CSMD3: variants seen among roughly 807,000 people sequenced by gnomAD.
CSMD3 encodes CUB and sushi domain-containing protein 3.
CSMD3 carries 177 observed loss-of-function variants against 435.2 expected under a neutral mutation model. The ratio of observed to expected loss-of-function variants is 0.41; its 90% CI spans 0.36 to 0.46. The LOEUF is 0.46. Among genes scored for constraint, CSMD3 ranks in the 20% least tolerant of loss-of-function variants. CSMD3 has a pLI of 0.34. For synonymous variants in CSMD3, 1,656 were observed against 1,520.5 expected (o/e 1.09, Z -2.07); for missense variants, 4,265 against 4,504.6 (o/e 0.95, Z 1.52).
At chr8:112,330,487 A>G (rs1212786354) in intron 45 of CSMD3, among the ~76,000 whole-genome samples, 1 of 152,118 alleles carries the variant, frequency 6.6e-6, no homozygotes, top group African/African-American at 2.4e-5. Context: ...ATTAGTAAAT[A>G]CATATTTTGG....
intron 3 of CSMD3, among the ~76,000 whole-genome samples, chr8:113,270,892 T>C (rs1472875764): frequency 4.6e-5 from 7 of 151,824 alleles, no homozygotes; most frequent in Admixed American, 4.6e-4. Flanking sequence ...AGTTAATGGA[T>C]TGCAGCACAC....
At chr8:113,380,891 A>C (rs1024383271) in intron 1 of CSMD3, among the ~76,000 whole-genome samples, 7 of 152,098 alleles carry the variant, frequency 4.6e-5, no homozygotes, top group Non-Finnish European at 1.0e-4. Context: ...CTGAAGGAAA[A>C]CAAATAAACC....
chr8:113,229,163 A>T (rs1376300621), intron 3 of CSMD3, among the ~76,000 whole-genome samples: 4 of 151,658 alleles, frequency 2.6e-5, no homozygotes, highest in African/African-American at 9.7e-5. Flanking sequence ...TGTATGTGAA[A>T]TTATATTGGG....
intron 3 of CSMD3, among the ~76,000 whole-genome samples, chr8:113,247,422 T>C (rs1450615156): frequency 1.3e-5 from 2 of 152,148 alleles, no homozygotes; most frequent in Admixed American, 6.6e-5. Flanking sequence ...GTTGTGCACC[T>C]AATAGTTTTC....
intron 22 of CSMD3, among the ~76,000 whole-genome samples, chr8:112,597,708 T>G (rs1212944277): frequency 7.3e-6 from 1 of 136,494 alleles, no homozygotes; most frequent in African/African-American, 2.9e-5. Context: ...CAAGGCTGGT[T>G]CAATATACGC....
intron 61 of CSMD3, among the ~76,000 whole-genome samples, chr8:112,256,685 A>C (rs187615516): frequency 1.1e-4 from 16 of 152,358 alleles, no homozygotes; most frequent in African/African-American, 3.8e-4. Context: ...AAAATACATA[A>C]CATATAATTT....
intron 5 of CSMD3, among the ~76,000 whole-genome samples, chr8:113,050,018 G>A (rs9297487): frequency 0.46 from 69,747 of 151,846 alleles, 17,983 homozygotes; most frequent in East Asian, 0.87. Context: ...TAAGCAAGTA[G>A]GTACAATCAG....
Position 112,466,396 on chromosome 8 carries a change from C to T in CSMD3, c.5395+6195G>A, listed in dbSNP as rs1276041446. The stretch of plus-strand genomic sequence containing the variant: ...GGTAACCACAACATAGACTGTGTTG[C>T]TGAATTGTTAAAAAAAACTCACAGA... On this transcript the variant is annotated intron_variant, in intron 32 of 70. Coordinates refer to ENST00000297405, the MANE Select transcript of CSMD3 (RefSeq NM_198123.2). Among the ~76,000 whole-genome samples the T allele has an allele frequency of 2.0e-5, 3 of 151,990 alleles. No homozygotes were observed. The East Asian group carries it at 5.8e-4, about 29-fold the overall frequency.
chr8:112,715,321 TA>T (rs1464760190), intron 13 of CSMD3, among the ~76,000 whole-genome samples: 2 of 152,052 alleles, frequency 1.3e-5, no homozygotes, highest in African/African-American at 2.4e-5. Context: ...CTAGAAAATC[TA>T]AAAGATATTG....
At chr8:113,087,300 T>A (rs1588046590) in intron 5 of CSMD3, among the ~76,000 whole-genome samples, 1 of 151,910 alleles carries the variant, frequency 6.6e-6, no homozygotes, top group South Asian at 2.1e-4. Context: ...ATTTACAGAT[T>A]CAATGCCATC....
chr8:113,277,632 T>C (rs563400413), intron 3 of CSMD3, among the ~76,000 whole-genome samples: 2 of 151,986 alleles, frequency 1.3e-5, no homozygotes, highest in Non-Finnish European at 1.5e-5. Flanking sequence ...TTGCCCTTGC[T>C]ACGGTATTTA....
chr8:112,913,911 T>C (rs1463397603), intron 10 of CSMD3, among the ~76,000 whole-genome samples: 1 of 151,996 alleles, frequency 6.6e-6, no homozygotes, highest in South Asian at 2.1e-4. Context: ...TATTCATTTT[T>C]CTGCAGTAGC....
intron 27 of CSMD3, among the ~76,000 whole-genome samples, chr8:112,525,415 TC>T: frequency 6.7e-6 from 1 of 150,242 alleles, no homozygotes; most frequent in Non-Finnish European, 1.5e-5. Context: ...AGAAGTTTAA[TC>T]CAATTAAAAA....
rs111931715 is a variant in CSMD3 at position 113,251,005 on chromosome 8, GA to G, written c.514+27586del. Among the ~76,000 whole-genome samples, 567 of 150,242 alleles carry G rather than the reference GA, an allele frequency of 3.8e-3. 3 individuals are homozygous for G. The highest frequency in any genetic ancestry group is 0.017 in the Middle Eastern group (5 of 292). On this transcript the variant is annotated intron_variant, in intron 3 of 70. Transcript: ENST00000297405. ...ACTAGGTAGAAATTAAGCTAAAAAGGAAAAAAAAAGTTTAAAAATGAGTACA... is the reference window on the plus strand; with the variant it reads ...ACTAGGTAGAAATTAAGCTAAAAAGGAAAAAAAAGTTTAAAAATGAGTACA...
chr8:112,752,294 G>C (rs2077588129), intron 13 of CSMD3, among the ~76,000 whole-genome samples: 1 of 152,000 alleles, frequency 6.6e-6, no homozygotes, highest in Non-Finnish European at 1.5e-5. Context: ...CCCAATTTCA[G>C]CCCTTGGTCC....
At chr8:113,219,054 C>G (rs1161435028) in intron 3 of CSMD3, among the ~76,000 whole-genome samples, 2 of 151,282 alleles carry the variant, frequency 1.3e-5, no homozygotes, top group African/African-American at 2.4e-5. Flanking sequence ...CTTGGAAAAA[C>G]AGGAATGGAT....
chr8:113,402,026 C>A (rs973719189), intron 1 of CSMD3, among the ~76,000 whole-genome samples: 1 of 151,420 alleles, frequency 6.6e-6, no homozygotes, highest in African/African-American at 2.4e-5. Flanking sequence ...TTAAATGGTG[C>A]ATGACTGTAT....
At chr8:112,566,729 C>G (rs1217109856) in intron 24 of CSMD3, among the ~76,000 whole-genome samples, 1 of 152,104 alleles carries the variant, frequency 6.6e-6, no homozygotes, top group East Asian at 1.9e-4. Context: ...TCCTTCTTCT[C>G]TTCTCTTTGC....
chr8:112,860,695 G>T (rs570922596), intron 10 of CSMD3, among the ~76,000 whole-genome samples: 8 of 151,534 alleles, frequency 5.3e-5, no homozygotes, highest in Non-Finnish European at 1.0e-4. Flanking sequence ...ATATTGATTA[G>T]CTTTGTTTGA....
Sources: allele counts gnomAD v4.1 joint callset (sites outside exome capture counted in the v4.1 genomes callset), GRCh38; gene constraint gnomAD v4.1.1; transcripts MANE v1.5; gene names NCBI Gene and HGNC (gene_info 2026-07-23, HGNC 2026-07-21).